Variants in PIBF1 observed in about 807,000 individuals in gnomAD.
PIBF1 encodes progesterone-induced-blocking factor 1.
A neutral mutation model predicts 112.5 loss-of-function variants in PIBF1; 90 were observed. The observed-to-expected ratio is 0.80, with a 90% CI of 0.67 to 0.95. The LOEUF (loss-of-function observed/expected upper bound fraction) is 0.95. PIBF1 is among the 40% of genes least tolerant of loss of function. PIBF1 has a pLI of 0.00. For synonymous variants in PIBF1, 301 were observed against 288.6 expected (o/e 1.04, Z -0.44); for missense variants, 915 against 852.3 (o/e 1.07, Z -0.92).
At position 72,965,323 on chromosome 13, in the gene PIBF1, A is replaced by T. The variant is rs2042711587; in HGVS notation, c.1883A>T (p.Tyr628Phe). The part of the protein sequence containing the change: ...LLNQTQQPYR[Y>F]LIESVRQRDS... ...AACCAGACTCAACAGCCTTACAGGTATCTCATTGAATCAGTGCGTCAGAGA... is the reference window on the plus strand; with the variant it reads ...AACCAGACTCAACAGCCTTACAGGTTTCTCATTGAATCAGTGCGTCAGAGA... Residue 628 changes from tyrosine (Y) to phenylalanine (F), a missense_variant, in exon 15 of 18, where the codon TAT becomes TTT. Transcript: ENST00000326291. 6.2e-7 allele frequency: 1 copy of T among 1,610,634 alleles called. No homozygotes were observed. Among genetic ancestry groups the T allele is most frequent in the African/African-American group, 1.3e-5 (1 of 74,872 alleles).
chr13:72,848,951 T>C (rs2038003521), intron 9 of PIBF1, among the ~76,000 whole-genome samples: 1 of 152,246 alleles, frequency 6.6e-6, no homozygotes, highest in African/African-American at 2.4e-5. Context: ...TTTGGCATAA[T>C]TTTTAATAGC....
chr13:72,930,769 C>G (rs543726254), intron 13 of PIBF1, among the ~76,000 whole-genome samples: 1 of 152,074 alleles, frequency 6.6e-6, no homozygotes, highest in Non-Finnish European at 1.5e-5. Context: ...AAGTGATAAG[C>G]TAATTATTGT....
chr13:72,887,359 A>C (rs937838373), intron 10 of PIBF1, among the ~76,000 whole-genome samples: 1 of 151,958 alleles, frequency 6.6e-6, no homozygotes, highest in Non-Finnish European at 1.5e-5. Context: ...AATATAGTTT[A>C]CATAAAACTT....
At chr13:72,879,540 A>G (rs1414980912) in intron 10 of PIBF1, among the ~76,000 whole-genome samples, 1 of 152,248 alleles carries the variant, frequency 6.6e-6, no homozygotes, top group East Asian at 1.9e-4. Context: ...GAGTCTTAAT[A>G]AAAGAAGGCA....
At chr13:72,942,142 C>A (rs961144449) in intron 14 of PIBF1, among the ~76,000 whole-genome samples, 1 of 151,762 alleles carries the variant, frequency 6.6e-6, no homozygotes, top group Non-Finnish European at 1.5e-5. Flanking sequence ...GTGGCACATA[C>A]AACTCACAGG....
intron 16 of PIBF1, among the ~76,000 whole-genome samples, chr13:72,975,639 A>G (rs1169798418): frequency 3.3e-5 from 5 of 152,198 alleles, no homozygotes; most frequent in Non-Finnish European, 5.9e-5. Flanking sequence ...ACTAGATTGT[A>G]ATGATAACAT....
intron 10 of PIBF1, among the ~76,000 whole-genome samples, chr13:72,875,967 A>G (rs2039378591): frequency 6.6e-6 from 1 of 151,700 alleles, no homozygotes; most frequent in African/African-American, 2.4e-5. Flanking sequence ...TCTTTTTTTC[A>G]TGGATTATGT....
chr13:72,848,714 C>A (rs1444305353), intron 9 of PIBF1, among the ~76,000 whole-genome samples: 3 of 152,124 alleles, frequency 2.0e-5, no homozygotes, highest in Admixed American at 2.0e-4. Context: ...TGCCTGTAGT[C>A]CCAGCTACTC....
Position 72,953,291 on chromosome 13 carries a change from C to T in PIBF1, c.1834-11983C>T, listed in dbSNP as rs75525229. Among the ~76,000 whole-genome samples the T allele has an allele frequency of 8.0e-3, 1,220 of 152,316 alleles. 14 individuals are homozygous for T. Among genetic ancestry groups the T allele is most frequent in the African/African-American group, 0.028 (1,148 of 41,558 alleles). ...GCCTCTGATGAAAAACAACTTCCCA[C>T]AAGTGGAAAGTTCAGGGACTCAAGG... On this transcript the variant is annotated intron_variant, in intron 14 of 17. Coordinates refer to ENST00000326291, the MANE Select transcript of PIBF1 (RefSeq NM_006346.4).
intron 16 of PIBF1, among the ~76,000 whole-genome samples, chr13:72,996,269 A>T (rs969318299): frequency 5.8e-5 from 6 of 102,626 alleles, no homozygotes; most frequent in East Asian, 2.2e-4. Context: ...TCAATATATT[A>T]AAAAAAAAAA....
At chr13:72,803,137 A>G (rs539760424) in intron 5 of PIBF1, among the ~76,000 whole-genome samples, 38 of 152,292 alleles carry the variant, frequency 2.5e-4, no homozygotes, top group Non-Finnish European at 4.4e-4. Context: ...TAAACTGGAC[A>G]TAGAGTATAG....
chr13:72,790,321 A>G (rs1034422010), intron 2 of PIBF1, among the ~76,000 whole-genome samples: 1 of 152,014 alleles, frequency 6.6e-6, no homozygotes, highest in Non-Finnish European at 1.5e-5. Context: ...GCTGGGAGAA[A>G]ACTGATCTGG....
intron 17 of PIBF1, among the ~76,000 whole-genome samples, chr13:73,001,316 A>AT (rs2043858987): frequency 6.6e-6 from 1 of 152,156 alleles, no homozygotes; most frequent in Admixed American, 6.6e-5. Flanking sequence ...GGAATTTACC[A>AT]CGCTAATATT....
chr13:72,968,344 A>G (rs1011321246), intron 15 of PIBF1, among the ~76,000 whole-genome samples: 7 of 151,344 alleles, frequency 4.6e-5, no homozygotes, highest in Admixed American at 1.3e-4. Flanking sequence ...CTTGTCACCC[A>G]GACTGGAGTG....
At chr13:73,000,981 AT>A (rs1162016562) in intron 17 of PIBF1, among the ~76,000 whole-genome samples, 2 of 152,120 alleles carry the variant, frequency 1.3e-5, no homozygotes, top group African/African-American at 4.8e-5. Flanking sequence ...AATAAGGGAA[AT>A]TTTTTTCAAA....
intron 16 of PIBF1, among the ~76,000 whole-genome samples, chr13:72,982,828 G>C (rs2043186631): frequency 6.6e-6 from 1 of 152,146 alleles, no homozygotes; most frequent in Non-Finnish European, 1.5e-5. Flanking sequence ...GACAATTTTA[G>C]ATACTACTAC....
intron 10 of PIBF1, among the ~76,000 whole-genome samples, chr13:72,878,557 A>G (rs1594108933): frequency 6.6e-6 from 1 of 152,296 alleles, no homozygotes; most frequent in East Asian, 1.9e-4. Context: ...CCTGGGATGC[A>G]GTCTGTCTTC....
rs1223455925 is a variant in PIBF1 at position 72,908,617 on chromosome 13, A to G, written c.1575A>G (p.Ala525=). The G allele has an allele frequency of 2.5e-6, 4 of 1,613,432 alleles. No individual in the cohort carries two copies. Among genetic ancestry groups the G allele is most frequent in the Middle Eastern group, 1.7e-4 (1 of 6,060 alleles). ...AAGCACAGAACTCAGAGCATCAAGC[A>G]AGGCTAGACATTTATGAGAAACTGG... is the stretch of plus-strand genomic sequence containing the variant. ...ELQAQNSEHQ[A]RLDIYEKLEK... Residue 525 remains alanine (A), a synonymous_variant, in exon 12 of 18, where the codon GCA becomes GCG. Transcript: ENST00000326291.
chr13:72,931,728 ATATATATATATATATG>A lies in PIBF1; in HGVS notation c.1833+465_1833+480del, dbSNP rs1160732579. 2.1e-3 allele frequency among the ~76,000 whole-genome samples: 304 copies of A among 144,300 alleles called. 2 individuals are homozygous for A. Among genetic ancestry groups the A allele is most frequent in the African/African-American group, 7.2e-3 (288 of 39,792 alleles). The allele number at this position is 144,300 out of a possible 152,430, so 94.7% of individuals were successfully genotyped here. On this transcript the variant is annotated intron_variant, in intron 14 of 17. Transcript: ENST00000326291. ...TGTCATTTAAACTACGTATATATAT[ATATATATATATATATG>A]TATGCATTTTACATAGCATTTTTAA...
Sources: allele counts gnomAD v4.1 joint callset (sites outside exome capture counted in the v4.1 genomes callset), GRCh38; gene constraint gnomAD v4.1.1; transcripts MANE v1.5; gene names NCBI Gene and HGNC (gene_info 2026-07-23, HGNC 2026-07-21).